PSG8: variants seen among roughly 807,000 people sequenced by gnomAD.
The protein encoded by PSG8 is pregnancy specific beta-1-glycoprotein 8, also known as pregnancy-specific beta-1-glycoprotein 8.
In PSG8, 57 loss-of-function variants were observed where a neutral mutation model predicts 42.5. That is an observed-to-expected ratio of 1.34 (90% CI 1.08 to 1.67). PSG8 has a LOEUF of 1.67. PSG8 is among the 40% of genes most tolerant of loss of function. PSG8 has a pLI of 0.00. For missense variants in PSG8, 783 were observed against 518.6 expected (o/e 1.51, Z -4.95); for synonymous variants, 280 against 196.8 (o/e 1.42, Z -3.54).
intron 2 of PSG8, among the ~76,000 whole-genome samples, chr19:42,759,656 G>T (rs1970024360): frequency 6.6e-6 from 1 of 152,090 alleles, no homozygotes; most frequent in African/African-American, 2.4e-5. Flanking sequence ...TGCTCAATTT[G>T]TAATACTGTA....
chr19:42,758,435 A>T (rs568805444), intron 2 of PSG8, among the ~76,000 whole-genome samples, 155 bp from the exon 3 acceptor site: 4 of 152,232 alleles, frequency 2.6e-5, no homozygotes, highest in African/African-American at 9.6e-5. Flanking sequence ...ATGCAGGGCA[A>T]TCTGAGGGCT....
chr19:42,756,018 C>G (rs911484703), intron 3 of PSG8: 5 of 152,814 alleles, frequency 3.3e-5, no homozygotes, highest in African/African-American at 1.2e-4. Flanking sequence ...AGTTTCCTCT[C>G]CTTCTGCAGA....
chr19:42,753,297 C>G (rs1340426425), downstream of PSG8: 11 of 780,118 alleles, frequency 1.4e-5, no homozygotes, highest in Non-Finnish European at 2.4e-5. Context: ...GCTTCTGGAA[C>G]AGAGTGGGTC....
At chr19:42,754,170 T>C (rs937863335), downstream of PSG8, 107 of 1,505,082 alleles carry the variant, frequency 7.1e-5, 1 homozygote, top group Non-Finnish European at 8.7e-5. Flanking sequence ...GTTAAAGTTT[T>C]CAAAGTTCTT....
chr19:42,755,436 G>A lies in PSG8; in HGVS notation c.710-170C>T, dbSNP rs1307730499. ...ATGCATGATGATCTAAGGGCTCAAAGACTATGAGGCCAGCTGCTCTGTCTT... is the reference window on the plus strand; with the variant it reads ...ATGCATGATGATCTAAGGGCTCAAAAACTATGAGGCCAGCTGCTCTGTCTT... On this transcript the variant is annotated intron_variant, in intron 3 of 4. Coordinates refer to ENST00000306511, the MANE Select transcript of PSG8 (RefSeq NM_182707.3). 5.2e-6 allele frequency: 7 copies of A among 1,358,930 alleles called. 1 individual carries two copies. Among genetic ancestry groups the A allele is most frequent in the South Asian group, 2.9e-5 (2 of 70,040 alleles). The allele number at this position is 1,358,930 out of a possible 1,614,324, so 84.2% of individuals were successfully genotyped here.
downstream of PSG8, chr19:42,752,807 A>T (rs372060994): frequency 5.3e-6 from 1 of 188,850 alleles, no homozygotes; most frequent in Non-Finnish European, 1.1e-5. Flanking sequence ...AGGGGACTCT[A>T]TTATAATTTC....
chr19:42,765,214 A>G lies in PSG8; in HGVS notation c.64+304T>C, dbSNP rs964629635. Among the ~76,000 whole-genome samples, 93 of 148,374 alleles carry G rather than the reference A, an allele frequency of 6.3e-4. 1 individual carries two copies. Among genetic ancestry groups the G allele is most frequent in the African/African-American group, 2.3e-3 (93 of 39,894 alleles). On this transcript the variant is annotated intron_variant, in intron 1 of 4. Coordinates refer to ENST00000306511, the MANE Select transcript of PSG8 (RefSeq NM_182707.3). ...GTCTCCCAGGCTGGCGTGCGATGGCACTATCTCAGCTAGCTGCAACTTCTG... is the reference window on the plus strand; with the variant it reads ...GTCTCCCAGGCTGGCGTGCGATGGCGCTATCTCAGCTAGCTGCAACTTCTG...
intron 3 of PSG8, 53 bp downstream of exon 3, chr19:42,757,949 C>G: frequency 6.2e-7 from 1 of 1,613,876 alleles, no homozygotes; most frequent in South Asian, 1.1e-5. Context: ...TGGTCTCTGG[C>G]CACGTGTATT....
At chr19:42,757,903 G>T (rs1219618207) in intron 3 of PSG8, 99 bp downstream of exon 3, 3 of 1,612,506 alleles carry the variant, frequency 1.9e-6, no homozygotes, top group Admixed American at 3.3e-5. Context: ...AGGGGTAAAG[G>T]TCTCTGTACT....
rs751670103 is a variant in PSG8 at position 42,763,976 on chromosome 19, T to C, written c.370A>G (p.Ile124Val). ...QEDAGSYTLHIIMGGDENRGV... is the reference protein window; with the variant it reads ...QEDAGSYTLHVIMGGDENRGV... ...CTATTCTCATCACCTCCCATTATGA[T>C]GTGTAAGGTGTAGGATCCTGCGTCT... is the stretch of plus-strand genomic sequence containing the variant. The change falls in exon 2 of 5, where the codon ATC becomes GTC. Residue 124 changes from isoleucine (I) to valine (V), a missense_variant. Physicochemically the swap from Ile to Val is conservative, Grantham distance 29 (BLOSUM62 3). Transcript: ENST00000306511. 1.2e-6 allele frequency: 2 copies of C among 1,611,614 alleles called. No individual in the cohort carries two copies. Among genetic ancestry groups the C allele is most frequent in the South Asian group, 1.1e-5 (1 of 91,000 alleles).
At position 42,764,224 on chromosome 19, in the gene PSG8, T is replaced by C; in HGVS notation, c.122A>G (p.Gln41Arg). Residue 41 changes from glutamine (Q) to arginine (R), a missense_variant, in exon 2 of 5, where the codon CAG becomes CGG. Gln to Arg is a conservative substitution (Grantham distance 43). Transcript: ENST00000306511. ...PTTAQVTIEAQPTKVSEGKDV... is the reference protein window; with the variant it reads ...PTTAQVTIEARPTKVSEGKDV... Reference sequence around the variant, plus strand: ...CTTCCCCTCAGAAACTTTGGTTGGCTGGGCTTCAATCGTGACTTGGGCAGT... The same window carrying C: ...CTTCCCCTCAGAAACTTTGGTTGGCCGGGCTTCAATCGTGACTTGGGCAGT... 6.2e-7 allele frequency: 1 copy of C among 1,613,766 alleles called. No homozygotes were observed. The highest frequency in any genetic ancestry group is 8.5e-7 in the Non-Finnish European group (1 of 1,179,832).
intron 3 of PSG8, 121 bp from the exon 4 acceptor site, chr19:42,755,387 G>A: frequency 6.6e-7 from 1 of 1,519,658 alleles, no homozygotes. Flanking sequence ...AAAGCCAATA[G>A]CTGGTGCGTG....
downstream of PSG8, chr19:42,753,083 C>T (rs1438457639): frequency 3.3e-6 from 2 of 611,026 alleles, no homozygotes; most frequent in East Asian, 2.8e-5. Flanking sequence ...GGGGTGAGAG[C>T]CTCATCATGA....
intron 2 of PSG8, among the ~76,000 whole-genome samples, chr19:42,761,595 C>T (rs947825767): frequency 6.6e-6 from 1 of 152,088 alleles, no homozygotes; most frequent in African/African-American, 2.4e-5. Context: ...TACCTAGAGT[C>T]AGATTTAAGG....
At chr19:42,753,191 T>G (rs188167768), downstream of PSG8, 54 of 754,850 alleles carry the variant, frequency 7.2e-5, 1 homozygote, top group South Asian at 7.0e-4. Context: ...GTTGTTATGG[T>G]GTCGAACATT....
At position 42,758,586 on chromosome 19, in the gene PSG8, T is replaced by A. The variant is rs866199166; in HGVS notation, c.431-306A>T. ...CTCTCTGAGTCCCTCCGTCTCCAAC[T>A]GCCTGCCTGGCCCACCTTGTGGTCC... On this transcript the variant is annotated intron_variant, in intron 2 of 4. Coordinates refer to ENST00000306511, the MANE Select transcript of PSG8 (RefSeq NM_182707.3). The A allele has an allele frequency of 4.4e-5, 21 of 476,912 alleles. 1 individual carries two copies. The South Asian group carries it at 7.0e-4, about 16-fold the overall frequency. The allele number at this position is 476,912 out of a possible 1,614,324, so 29.5% of individuals were successfully genotyped here.
intron 3 of PSG8, among the ~76,000 whole-genome samples, chr19:42,757,040 T>A (rs1355339799): frequency 6.6e-6 from 1 of 152,120 alleles, no homozygotes; most frequent in Non-Finnish European, 1.5e-5. Flanking sequence ...TTTCAGGGTA[T>A]AATCATTTGA....
rs1064489 is a variant in PSG8, at chr19:42,754,531, C to G, written c.1045G>C (p.Val349Leu). Residue 349 changes from valine to leucine, a missense_variant, in exon 5 of 5, where the codon GTC becomes CTC. Transcript: ENST00000306511. ...PSFTYYRSGEVLYLSCSADSN... is the reference protein window; with the variant it reads ...PSFTYYRSGELLYLSCSADSN... ...TCCGCAGAACAGGACAAGTAGAGGA[C>G]TTCTCCTGAACGGTAATAGGTGAAT... The G allele has an allele frequency of 1.1e-4, 183 of 1,613,752 alleles. No individual in the cohort carries two copies. In the African/African-American group the frequency reaches 1.5e-3, roughly 14 times the overall value.
rs2122234383 is a variant in PSG8 at position 42,754,761 on chromosome 19, C to A, written c.989-174G>T. On this transcript the variant is annotated intron_variant, in intron 4 of 4. Transcript: ENST00000306511. ...AGGTATTCACCTGTTTCTCCCATCA[C>A]AAGCTGTGGGCCCCAAGTCTCCCAT... The A allele has an allele frequency of 3.7e-6, 5 of 1,368,920 alleles. No homozygotes were observed. In the South Asian group the frequency reaches 6.0e-5, roughly 16 times the overall value. 84.8% of individuals were successfully genotyped at this position (1,368,920 alleles called of 1,614,324 possible).
Sources: gnomAD v4.1 joint callset for allele counts (sites outside exome capture counted in the v4.1 genomes callset) on GRCh38, gnomAD v4.1.1 for gene constraint, MANE v1.5 for transcripts, NCBI Gene and HGNC (gene_info 2026-07-23, HGNC 2026-07-21) for gene names.